TMEM156: variants seen among roughly 807,000 people sequenced by gnomAD.
TMEM156 encodes transmembrane protein 156.
A neutral mutation model predicts 30.5 loss-of-function variants in TMEM156; 28 were observed. The observed-to-expected ratio is 0.92, with a 90% CI of 0.68 to 1.26. The LOEUF is 1.26. Ranked by LOEUF, TMEM156 falls within the 50% of genes most tolerant of loss-of-function variation. The pLI is 0.00. For missense variants in TMEM156, 351 were observed against 340.6 expected (o/e 1.03, Z -0.24); for synonymous variants, 137 against 119.9 (o/e 1.14, Z -0.93).
chr4:39,028,754 T>C (rs1715354752), intron 1 of TMEM156, among the ~76,000 whole-genome samples: 1 of 152,238 alleles, frequency 6.6e-6, no homozygotes. Context: ...AAGCTCTGAA[T>C]CAAAATATAT....
rs192916513 is a variant in TMEM156 at position 39,024,183 on chromosome 4, G to A, written c.88+8043C>T. ...CCTGAGTAGCTGGGGATATAGACGC[G>A]TGCCACCACACCCAGCTAATTTTTG... is the stretch of plus-strand genomic sequence containing the variant. On this transcript the variant is annotated intron_variant, in intron 1 of 6. Coordinates refer to ENST00000381938, the MANE Select transcript of TMEM156 (RefSeq NM_024943.3). 4.1e-4 allele frequency among the ~76,000 whole-genome samples: 62 copies of A among 152,232 alleles called. 2 individuals carry two copies. The highest frequency in any genetic ancestry group is 3.4e-3 in the Middle Eastern group (1 of 294).
Position 39,001,304 on chromosome 4 carries a change from G to A in TMEM156, c.89-2395C>T, listed in dbSNP as rs185776994. Among the ~76,000 whole-genome samples, 192 of 150,046 alleles carry A rather than the reference G, an allele frequency of 1.3e-3. 1 individual carries two copies. Among genetic ancestry groups the A allele is most frequent in the Admixed American group, 0.011 (172 of 15,070 alleles). On this transcript the variant is annotated intron_variant, in intron 1 of 6. Coordinates refer to ENST00000381938, the MANE Select transcript of TMEM156 (RefSeq NM_024943.3). The stretch of plus-strand genomic sequence containing the variant: ...CAGGAGGCTGAGGCAGGAGAATGGC[G>A]TGAACCCAGGAGGCAGATCTTGCAG...
intron 4 of TMEM156, among the ~76,000 whole-genome samples, chr4:38,987,685 A>G (rs915483580): frequency 2.0e-5 from 3 of 152,184 alleles, no homozygotes; most frequent in Admixed American, 6.6e-5. Flanking sequence ...ACTGTGGTAA[A>G]CTTTGTAAGT....
chr4:38,968,067 AT>A (rs1722427283), intron 6 of TMEM156, among the ~76,000 whole-genome samples: 1 of 152,188 alleles, frequency 6.6e-6, no homozygotes, highest in African/African-American at 2.4e-5. Flanking sequence ...CCCAGGACTG[AT>A]TCTGTGTTAC....
At chr4:39,005,487 C>T (rs1713667698) in intron 1 of TMEM156, among the ~76,000 whole-genome samples, 1 of 152,156 alleles carries the variant, frequency 6.6e-6, no homozygotes, top group Admixed American at 6.5e-5. Context: ...TGAGGCCTCC[C>T]CAGCCATGCA....
chr4:39,027,247 T>C lies in TMEM156; in HGVS notation c.88+4979A>G, dbSNP rs556448597. 4.1e-4 allele frequency among the ~76,000 whole-genome samples: 62 copies of C among 152,354 alleles called. 1 individual carries two copies. Among genetic ancestry groups the C allele is most frequent in the African/African-American group, 1.4e-3 (58 of 41,592 alleles). Reference sequence around the variant, plus strand: ...TGAATAAGAAAAAGAGCATTCATTTTTGAGAACTAGAATAACACTTTCAGG... The same window carrying C: ...TGAATAAGAAAAAGAGCATTCATTTCTGAGAACTAGAATAACACTTTCAGG... On this transcript the variant is annotated intron_variant, in intron 1 of 6. Transcript: ENST00000381938.
At chr4:38,990,335 G>A (rs190862746) in intron 3 of TMEM156, among the ~76,000 whole-genome samples, 85 of 152,228 alleles carry the variant, frequency 5.6e-4, no homozygotes, top group South Asian at 2.1e-3. Context: ...TTAGGATGGC[G>A]GCGCTCAGCC....
chr4:38,998,014 A>C (rs754731378), intron 2 of TMEM156, among the ~76,000 whole-genome samples: 1 of 152,238 alleles, frequency 6.6e-6, no homozygotes, highest in African/African-American at 2.4e-5. Context: ...TACTATAAGA[A>C]ACTACAGATT....
At chr4:39,007,239 G>A (rs181788089) in intron 1 of TMEM156, among the ~76,000 whole-genome samples, 2 of 151,928 alleles carry the variant, frequency 1.3e-5, no homozygotes, top group South Asian at 2.1e-4. Flanking sequence ...AAGTCCCGTC[G>A]CCTTGTTATT....
intron 1 of TMEM156, among the ~76,000 whole-genome samples, chr4:39,027,111 A>G (rs981533440): frequency 1.3e-5 from 2 of 152,224 alleles, no homozygotes; most frequent in African/African-American, 4.8e-5. Flanking sequence ...TTTGTAAAAT[A>G]TATGTCAAAG....
intron 1 of TMEM156, among the ~76,000 whole-genome samples, chr4:39,012,223 G>T (rs1006982963): frequency 1.3e-5 from 2 of 151,872 alleles, no homozygotes; most frequent in East Asian, 1.9e-4. Flanking sequence ...TACATCAGTG[G>T]GTCTAAAAGA....
chr4:38,972,842 G>A (rs953101829), intron 5 of TMEM156, among the ~76,000 whole-genome samples: 5 of 152,000 alleles, frequency 3.3e-5, no homozygotes, highest in Non-Finnish European at 7.4e-5. Flanking sequence ...TTGCTTACTC[G>A]ATAAACTGCA....
chr4:39,013,193 C>T (rs1295147995), intron 1 of TMEM156, among the ~76,000 whole-genome samples: 1 of 149,836 alleles, frequency 6.7e-6, no homozygotes, highest in African/African-American at 2.5e-5. Context: ...CCCAGCTACT[C>T]GGGAAACTGA....
chr4:38,993,338 G>C (rs377683210), intron 3 of TMEM156, among the ~76,000 whole-genome samples: 4 of 152,038 alleles, frequency 2.6e-5, no homozygotes, highest in Admixed American at 6.5e-5. Flanking sequence ...GGCTGAGGTG[G>C]GAGGATCACC....
At position 38,972,560 on chromosome 4, in the gene TMEM156, CT is replaced by C. The variant is rs78469567; in HGVS notation, c.824-1424del. On this transcript the variant is annotated intron_variant, in intron 5 of 6. Transcript: ENST00000381938. ...GCCACCATTCCCTGCCTCTTTCTTT[CT>C]TTTTTTTTTTTTCTGGGGAGTAGTG... Among the ~76,000 whole-genome samples, 247 of 143,612 alleles carry C rather than the reference CT, an allele frequency of 1.7e-3. 1 individual carries two copies. Among genetic ancestry groups the C allele is most frequent in the South Asian group, 2.9e-3 (13 of 4,538 alleles). The allele number at this position is 143,612 out of a possible 152,430, so 94.2% of individuals were successfully genotyped here. A position where few individuals can be genotyped will look rare whatever the true frequency, so the allele number is the denominator to read the frequency against.
Position 38,986,352 on chromosome 4 carries a change from A to T in TMEM156, c.807T>A (p.Asn269Lys). The change falls in exon 5 of 7, where the codon AAT becomes AAA. Residue 269 changes from asparagine to lysine, a missense_variant. Physicochemically the swap from Asn to Lys is moderately conservative, Grantham distance 94 (BLOSUM62 0). Transcript: ENST00000381938. Reference sequence around the variant, plus strand: ...AGAACTTACCTGAAAGAACCTGCACATTCAATGCTCTCAGTTTCTCCGAAT... The same window carrying T: ...AGAACTTACCTGAAAGAACCTGCACTTTCAATGCTCTCAGTTTCTCCGAAT... ...GSDSEKLRAL[N>K]VQVLSAETTQ... The T allele has an allele frequency of 1.2e-6, 2 of 1,613,848 alleles. No individual in the cohort carries two copies. Among genetic ancestry groups the T allele is most frequent in the Non-Finnish European group, 1.7e-6 (2 of 1,179,778 alleles).
intron 5 of TMEM156, among the ~76,000 whole-genome samples, chr4:38,974,832 A>T (rs1295503358): frequency 6.6e-6 from 1 of 151,880 alleles, no homozygotes; most frequent in Non-Finnish European, 1.5e-5. Flanking sequence ...CACCACACCC[A>T]GCAAATTTTT....
At position 38,966,761 on chromosome 4, in the gene TMEM156, T is replaced by C. The variant is rs953081602; in HGVS notation, c.*919A>G. ...AGGAAACGTTTTGCTATTAAAGTAC[T>C]TAAGTATTTTATTTAAATTCGTTTT... On this transcript the variant is annotated 3_prime_UTR_variant, in exon 7 of 7. Coordinates refer to ENST00000381938, the MANE Select transcript of TMEM156 (RefSeq NM_024943.3). 6.6e-6 allele frequency: 1 copy of C among 152,070 alleles called. No individual in the cohort carries two copies. 9.4% of individuals were successfully genotyped at this position (152,070 alleles called of 1,614,324 possible). A position where few individuals can be genotyped will look rare whatever the true frequency, so the allele number is the denominator to read the frequency against.
At chr4:38,969,326 C>T (rs1722487958) in intron 6 of TMEM156, among the ~76,000 whole-genome samples, 2 of 152,222 alleles carry the variant, frequency 1.3e-5, no homozygotes, top group Non-Finnish European at 1.5e-5. Flanking sequence ...AAGTGGAGAA[C>T]ATGTGATATT....
Sources: gnomAD v4.1 joint callset for allele counts (sites outside exome capture counted in the v4.1 genomes callset) on GRCh38, gnomAD v4.1.1 for gene constraint, MANE v1.5 for transcripts, NCBI Gene and HGNC (gene_info 2026-07-23, HGNC 2026-07-21) for gene names.